The following MYL10 variants were observed in gnomAD, a reference collection of about 807,000 sequenced individuals.
MYL10 encodes the protein myosin regulatory light chain 10.
A neutral mutation model predicts 21.9 loss-of-function variants in MYL10; 18 were observed. That is an observed-to-expected ratio of 0.82 (90% CI 0.57 to 1.22). The LOEUF (loss-of-function observed/expected upper bound fraction) is 1.22. Ranked by LOEUF, MYL10 falls within the 50% of genes most tolerant of loss-of-function variation. The pLI, the probability that MYL10 is intolerant of heterozygous loss-of-function variation, is 0.00. For missense variants in MYL10, 225 were observed against 230.4 expected (o/e 0.98, Z 0.15); for synonymous variants, 88 against 82.8 (o/e 1.06, Z -0.34).
intron 1 of MYL10, among the ~76,000 whole-genome samples, chr7:101,624,543 G>A (rs898551357): frequency 3.9e-5 from 6 of 152,298 alleles, no homozygotes; most frequent in South Asian, 4.1e-4. Context: ...GCCGGTGCCC[G>A]TGCTGCAGAA....
chr7:101,627,113 G>A lies in MYL10; in HGVS notation c.78+1928C>T, dbSNP rs1364866601. ...TCGAGACCAACCTGGACAACATGGT[G>A]AAACCCCGTCTCTACCAAAAATACA... On this transcript the variant is annotated intron_variant, in intron 1 of 7. Coordinates refer to ENST00000223167, the MANE Select transcript of MYL10 (RefSeq NM_138403.5). Among the ~76,000 whole-genome samples the A allele has an allele frequency of 6.7e-5, 10 of 149,146 alleles. No homozygotes were observed. The East Asian group carries it at 1.8e-3, about 26-fold the overall frequency.
At chr7:101,623,149 C>A in intron 3 of MYL10, 77 bp from the exon 4 acceptor site, 2 of 1,382,580 alleles carry the variant, frequency 1.4e-6, no homozygotes, top group Non-Finnish European at 2.0e-6. Flanking sequence ...GTCCTCCTGC[C>A]GACTGCTGCC....
intron 1 of MYL10, 144 bp from the exon 2 acceptor site, chr7:101,624,408 C>G: frequency 1.6e-6 from 1 of 606,534 alleles, no homozygotes; most frequent in South Asian, 2.0e-5. Context: ...CAAGGCTACC[C>G]CTGAAGCCTT....
intron 5 of MYL10, among the ~76,000 whole-genome samples, chr7:101,620,444 C>T (rs79800140): frequency 5.9e-5 from 9 of 152,162 alleles, no homozygotes; most frequent in African/African-American, 2.2e-4. Context: ...GGAGAGACAA[C>T]GGATTCTCCC....
intron 4 of MYL10, among the ~76,000 whole-genome samples, 153 bp downstream of exon 4, chr7:101,622,844 C>A (rs1796696430): frequency 2.6e-5 from 4 of 152,070 alleles, no homozygotes; most frequent in Admixed American, 2.6e-4. Context: ...AGGAAGGTCC[C>A]CCCCTGACTT....
Position 101,629,033 on chromosome 7 carries a change from G to A in MYL10, c.78+8C>T, listed in dbSNP as rs1452521898. On this transcript the variant is annotated splice_region_variant and intron_variant, in intron 1 of 7. Coordinates refer to ENST00000223167, the MANE Select transcript of MYL10 (RefSeq NM_138403.5). The stretch of plus-strand genomic sequence containing the variant: ...GTGGGGCCAGAGGCCAGGCACAGTG[G>A]CTCATACCTGTAATCCCAGCACTTT... 6 of 450,530 alleles carry A rather than the reference G, an allele frequency of 1.3e-5. No homozygotes were observed. Among genetic ancestry groups the A allele is most frequent in the Non-Finnish European group, 2.7e-5 (6 of 225,496 alleles). The allele number at this position is 450,530 out of a possible 1,614,324, so 27.9% of individuals were successfully genotyped here.
intron 1 of MYL10, chr7:101,627,607 C>T (rs4727507): frequency 1 from 152,825 of 152,894 alleles, 76,378 homozygotes; most frequent in Middle Eastern, 1. Context: ...CATGACAGGA[C>T]GGAGACCTCC....
chr7:101,620,788 T>C (rs1215528728), intron 5 of MYL10, among the ~76,000 whole-genome samples: 4 of 150,158 alleles, frequency 2.7e-5, no homozygotes, highest in African/African-American at 9.8e-5. Context: ...CTTTTTTTTT[T>C]TTTTTTCTTT....
At chr7:101,616,407 T>C in intron 5 of MYL10, 109 bp from the exon 6 acceptor site, 1 of 768,746 alleles carries the variant, frequency 1.3e-6, no homozygotes, top group East Asian at 2.5e-5. Flanking sequence ...CCACGGCCCC[T>C]GCACAGAGGC....
At chr7:101,626,836 C>T (rs1040491430) in intron 1 of MYL10, among the ~76,000 whole-genome samples, 6 of 152,102 alleles carry the variant, frequency 3.9e-5, no homozygotes, top group African/African-American at 1.2e-4. Context: ...AGAGGAGTCC[C>T]GAGTGGGGCA....
chr7:101,615,335 C>T (rs1488059007), intron 6 of MYL10, among the ~76,000 whole-genome samples: 2 of 151,800 alleles, frequency 1.3e-5, no homozygotes, highest in Admixed American at 1.3e-4. Flanking sequence ...GAGCTGCAAC[C>T]CTCTCCTCTC....
intron 4 of MYL10, 120 bp downstream of exon 4, chr7:101,622,877 C>T: frequency 1.2e-6 from 1 of 855,022 alleles, no homozygotes; most frequent in Non-Finnish European, 1.8e-6. Context: ...CTGCCTTTAC[C>T]CTGTGCTCCC....
chr7:101,624,349 G>T, intron 1 of MYL10, 85 bp from the exon 2 acceptor site: 2 of 987,634 alleles, frequency 2.0e-6, no homozygotes, highest in Non-Finnish European at 3.1e-6. Flanking sequence ...AGGGCATCAC[G>T]GTCCAGAATG....
chr7:101,620,404 A>AGATGGGAGAGGTAGAGCCACCAGAG (rs1236964959), intron 5 of MYL10, among the ~76,000 whole-genome samples: 2 of 152,158 alleles, frequency 1.3e-5, no homozygotes, highest in Admixed American at 1.3e-4. Flanking sequence ...GGCGAGGCTG[A>AGATGGGAGAGGTAGAGCCACCAGAG]GATGGGAGAG....
chr7:101,628,719 C>T (rs1796774015), intron 1 of MYL10, among the ~76,000 whole-genome samples: 1 of 152,222 alleles, frequency 6.6e-6, no homozygotes, highest in African/African-American at 2.4e-5. Flanking sequence ...TGAACAGCTG[C>T]CAGGGCCGGC....
At chr7:101,622,354 T>G (rs1448464697) in intron 4 of MYL10, among the ~76,000 whole-genome samples, 154 bp from the exon 5 acceptor site, 1 of 152,060 alleles carries the variant, frequency 6.6e-6, no homozygotes, top group East Asian at 1.9e-4. Flanking sequence ...TTAGGGGGCA[T>G]TTGGGCCACA....
At position 101,616,315 on chromosome 7, in the gene MYL10, C is replaced by A. The variant is rs772763019; in HGVS notation, c.455-17G>T. On this transcript the variant is annotated splice_polypyrimidine_tract_variant and intron_variant, in intron 5 of 7. Transcript: ENST00000223167. ...GGTCCGTGCCTATAAGCAGCACATA[C>A]AGGGCAGGGAGAGAGGCAGGTGAAG... 6 of 1,608,824 alleles carry A rather than the reference C, an allele frequency of 3.7e-6. No individual in the cohort carries two copies. In the Admixed American group the frequency reaches 1.0e-4, roughly 27 times the overall value.
intron 1 of MYL10, among the ~76,000 whole-genome samples, chr7:101,626,651 G>A (rs181523903): frequency 6.6e-6 from 1 of 152,218 alleles, no homozygotes; most frequent in South Asian, 2.1e-4. Context: ...GAGGTGCCAC[G>A]CTGCCCCAAA....
chr7:101,624,410 T>G (rs116681471), intron 1 of MYL10, 146 bp from the exon 2 acceptor site: 2 of 603,620 alleles, frequency 3.3e-6, no homozygotes, highest in African/African-American at 1.9e-5. Context: ...AGGCTACCCC[T>G]GAAGCCTTGC....
Sources: gnomAD v4.1 joint callset for allele counts (sites outside exome capture counted in the v4.1 genomes callset) on GRCh38, gnomAD v4.1.1 for gene constraint, MANE v1.5 for transcripts, NCBI Gene and HGNC (gene_info 2026-07-23, HGNC 2026-07-21) for gene names.